The following DISC1 variants were observed in gnomAD, a reference collection of about 807,000 sequenced individuals.
DISC1 encodes disrupted in schizophrenia 1 protein.
DISC1 carries 57 observed loss-of-function variants against 84.5 expected under a neutral mutation model. The ratio of observed to expected loss-of-function variants is 0.67; its 90% confidence interval spans 0.55 to 0.84. DISC1 has a LOEUF of 0.84. DISC1 is among the 40% of genes least tolerant of loss of function. The probability of loss-of-function intolerance (pLI) is 0.00; values close to 1 mark genes in which losing one functional copy is unlikely to be tolerated. For synonymous variants in DISC1, 411 were observed against 415.2 expected, an observed-to-expected ratio of 0.99 and a Z score of 0.12; for missense variants, 1,000 against 1,057.8, an observed-to-expected ratio of 0.95 and a Z score of 0.76.
intron 1 of DISC1, among the ~76,000 whole-genome samples, chr1:231,665,231 A>G (rs1449744395): frequency 6.6e-6 from 1 of 152,238 alleles, no homozygotes. Context: ...ATGTGATGCT[A>G]ACCGTCTGCA....
intron 3 of DISC1, among the ~76,000 whole-genome samples, chr1:231,705,724 C>G (rs201898337): frequency 6.6e-6 from 1 of 152,112 alleles, no homozygotes; most frequent in Non-Finnish European, 1.5e-5. Context: ...AATTTCTTCT[C>G]TCATATAGTT....
intron 9 of DISC1, among the ~76,000 whole-genome samples, chr1:231,937,015 T>C (rs2091021209): frequency 6.6e-6 from 1 of 152,334 alleles, no homozygotes; most frequent in South Asian, 2.1e-4. Flanking sequence ...TACTCACTTA[T>C]CTCTGAGTCT....
At chr1:231,975,053 C>T (rs1017313322) in intron 10 of DISC1, among the ~76,000 whole-genome samples, 12 of 152,044 alleles carry the variant, frequency 7.9e-5, no homozygotes, top group Non-Finnish European at 1.0e-4. Context: ...GAGCTGAGAT[C>T]GCACCACTGC....
At chr1:231,637,599 G>T (rs1337218932) in intron 1 of DISC1, among the ~76,000 whole-genome samples, 1 of 151,512 alleles carries the variant, frequency 6.6e-6, no homozygotes. Flanking sequence ...TGTGATATTT[G>T]TGTTTCTGTG....
intron 9 of DISC1, among the ~76,000 whole-genome samples, chr1:231,934,019 G>A (rs186910832): frequency 2.3e-4 from 35 of 152,288 alleles, no homozygotes; most frequent in African/African-American, 8.2e-4. Flanking sequence ...AAGCCGAGAA[G>A]CCAATATTCA....
intron 9 of DISC1, chr1:231,866,498 T>C (rs566877895): frequency 1.3e-6 from 1 of 789,984 alleles, no homozygotes; most frequent in African/African-American, 1.7e-5. Context: ...AAGTCCTTAA[T>C]ATTTAATGTT....
intron 3 of DISC1, chr1:231,722,644 C>A: frequency 6.2e-7 from 1 of 1,613,348 alleles, no homozygotes; most frequent in South Asian, 1.1e-5. Flanking sequence ...AATAGATATC[C>A]ACACAGCGTA....
chr1:232,008,822 G>C lies in DISC1; in HGVS notation c.2080G>C (p.Asp694His). Residue 694 changes from aspartate (D) to histidine (H), a missense_variant, in exon 11 of 13, where the codon GAC becomes CAC. By Grantham distance (81) the Asp-to-His change is moderately conservative. Around this residue, in one of 3 missense-constraint regions of DISC1, gnomAD observed 397 missense variants for 377.5 expected, o/e 1.05. Transcript: ENST00000439617. ...CPLLGKVWEA[D>H]LEACRLLIQS... ...ACTGCTTGGGAAAGTGTGGGAAGCT[G>C]ACTTGGAAGCTTGTCGATTGCTTAT... 1.9e-6 allele frequency: 3 copies of C among 1,597,940 alleles called. No homozygotes were observed. Among genetic ancestry groups the C allele is most frequent in the Non-Finnish European group, 2.6e-6 (3 of 1,170,916 alleles).
chr1:231,855,558 A>T (rs1054425412), intron 9 of DISC1, among the ~76,000 whole-genome samples: 8 of 152,220 alleles, frequency 5.3e-5, no homozygotes, highest in African/African-American at 1.9e-4. Flanking sequence ...TTTACAACAT[A>T]AAGCCTAAAC....
At chr1:231,978,762 A>G (rs1026446595) in intron 10 of DISC1, among the ~76,000 whole-genome samples, 5 of 152,184 alleles carry the variant, frequency 3.3e-5, no homozygotes, top group East Asian at 1.9e-4. Context: ...TTTTAGACTC[A>G]TCTTGTATAT....
At chr1:231,806,305 G>A (rs1326845751) in intron 8 of DISC1, among the ~76,000 whole-genome samples, 1 of 152,208 alleles carries the variant, frequency 6.6e-6, no homozygotes, top group Non-Finnish European at 1.5e-5. Context: ...TAAAAGGGCA[G>A]CGGTGGCATC....
intron 9 of DISC1, among the ~76,000 whole-genome samples, chr1:231,956,521 T>G (rs1309153078): frequency 1.3e-5 from 2 of 152,198 alleles, no homozygotes; most frequent in Non-Finnish European, 2.9e-5. Flanking sequence ...ATTCTCAACA[T>G]AGTTGCTGTA....
At chr1:231,890,339 A>G (rs1218428592) in intron 9 of DISC1, among the ~76,000 whole-genome samples, 3 of 152,232 alleles carry the variant, frequency 2.0e-5, no homozygotes, top group African/African-American at 7.2e-5. Flanking sequence ...TATACTGAGC[A>G]TACGTAAAAT....
At chr1:231,705,027 A>G (rs2066888008) in intron 3 of DISC1, among the ~76,000 whole-genome samples, 1 of 151,826 alleles carries the variant, frequency 6.6e-6, no homozygotes, top group African/African-American at 2.4e-5. Flanking sequence ...AGCTATACAT[A>G]ATATGTCCCT....
chr1:231,879,950 A>G lies in DISC1; in HGVS notation c.1981+61433A>G, dbSNP rs371057363. 4.6e-5 allele frequency among the ~76,000 whole-genome samples: 7 copies of G among 152,342 alleles called. No homozygotes were observed. In the East Asian group the frequency reaches 9.7e-4, roughly 21 times the overall value. ...CAATGGACATGCAAACTGGAGAGTC[A>G]TTATAGCAATATGGGTGAGTACTAT... On this transcript the variant is annotated intron_variant, in intron 9 of 12. Transcript: ENST00000439617.
rs2058286150 is a variant in DISC1 at position 231,626,844 on chromosome 1, C to A, written c.-24C>A. On this transcript the variant is annotated 5_prime_UTR_variant, in exon 1 of 13. Transcript: ENST00000439617. ...GGAGCAGGAGGCAGCCCAGGCGGAG[C>A]GGGAGGAGCTGGCAGCGGGGCGCAT... is the stretch of plus-strand genomic sequence containing the variant. 3 of 1,432,458 alleles carry A rather than the reference C, an allele frequency of 2.1e-6. No homozygotes were observed. Among genetic ancestry groups the A allele is most frequent in the South Asian group, 1.5e-5 (1 of 68,682 alleles). The allele number at this position is 1,432,458 out of a possible 1,614,324, so 88.7% of individuals were successfully genotyped here.
At chr1:231,947,564 A>G (rs1364165624) in intron 9 of DISC1, among the ~76,000 whole-genome samples, 1 of 152,248 alleles carries the variant, frequency 6.6e-6, no homozygotes, top group African/African-American at 2.4e-5. Context: ...CTTCATGTCT[A>G]AAACACCAAA....
intron 10 of DISC1, among the ~76,000 whole-genome samples, chr1:231,964,595 A>G (rs1660840226): frequency 1.3e-5 from 2 of 152,352 alleles, no homozygotes; most frequent in South Asian, 4.1e-4. Context: ...ACTTCAGAAC[A>G]GGAGGCCAGA....
At chr1:231,786,069 A>G (rs375857769) in intron 6 of DISC1, among the ~76,000 whole-genome samples, 2 of 152,150 alleles carry the variant, frequency 1.3e-5, no homozygotes, top group African/African-American at 4.8e-5. Context: ...CTATTACTCT[A>G]TTATAGAGTG....
Sources: allele counts gnomAD v4.1 joint callset (sites outside exome capture counted in the v4.1 genomes callset), GRCh38; gene constraint gnomAD v4.1.1; regional missense constraint gnomAD v4.1.1; transcripts MANE v1.5; gene names NCBI Gene and HGNC (gene_info 2026-07-23, HGNC 2026-07-21).